Variants in PPWD1 observed in about 807,000 individuals in gnomAD.
The protein encoded by PPWD1 is peptidylprolyl isomerase domain and WD repeat-containing protein 1.
Under a neutral mutation model 68.8 loss-of-function variants are expected in PPWD1, and 43 were observed. That is an observed-to-expected ratio of 0.62 (90% CI 0.49 to 0.81). The LOEUF is 0.81. Ranked by LOEUF, PPWD1 falls within the 30% of genes least tolerant of loss-of-function variation. The pLI, the probability that PPWD1 is intolerant of heterozygous loss-of-function variation, is 0.00. For missense variants in PPWD1, 672 were observed against 804.8 expected (o/e 0.83, Z 2.00); for synonymous variants, 232 against 258.7 (o/e 0.90, Z 0.99).
rs566042641 is a variant in PPWD1 at position 65,582,043 on chromosome 5, C to G, written c.1351-995C>G. 9.5e-4 allele frequency among the ~76,000 whole-genome samples: 145 copies of G among 152,194 alleles called. 1 individual carries two copies. The highest frequency in any genetic ancestry group is 3.4e-3 in the African/African-American group (143 of 41,528). Reference sequence around the variant, plus strand: ...TCATATAAACAAATAGTACAACAGACATGCCATTCCTTTGAAAACTGGAGA... The same window carrying G: ...TCATATAAACAAATAGTACAACAGAGATGCCATTCCTTTGAAAACTGGAGA... On this transcript the variant is annotated intron_variant, in intron 7 of 10. Transcript: ENST00000261308.
chr5:65,585,022 A>C lies in PPWD1; in HGVS notation c.1541A>C (p.Lys514Thr), dbSNP rs1266063846. ...AACATATGTCTTAATAGGTGCCCTA[A>C]GACAGTGGAAAACTTCTGTGTTCAC... ...HTKLFPVECPKTVENFCVHSR... is the reference protein window; with the variant it reads ...HTKLFPVECPTTVENFCVHSR... Residue 514 changes from lysine to threonine, a missense_variant, in exon 9 of 11, where the codon AAG (lysine) becomes ACG (threonine). Coordinates refer to ENST00000261308, the MANE Select transcript of PPWD1 (RefSeq NM_015342.4). 2 of 1,612,394 alleles carry C rather than the reference A, an allele frequency of 1.2e-6. No homozygotes were observed. The highest frequency in any genetic ancestry group is 2.2e-5 in the East Asian group (1 of 44,800).
chr5:65,578,929 T>G (rs1264994885), intron 6 of PPWD1, among the ~76,000 whole-genome samples: 1 of 151,906 alleles, frequency 6.6e-6, no homozygotes, highest in Non-Finnish European at 1.5e-5. Flanking sequence ...TTGTTGTTGT[T>G]TTTTATTGAG....
In PPWD1 at chr5:65,584,248, C is replaced by A. The variant is rs144830174; in HGVS notation, c.1533-766C>A. 2.0e-3 allele frequency among the ~76,000 whole-genome samples: 310 copies of A among 152,268 alleles called. 1 individual carries two copies. Among genetic ancestry groups the A allele is most frequent in the African/African-American group, 7.1e-3 (296 of 41,554 alleles). On this transcript the variant is annotated intron_variant, in intron 8 of 10. Coordinates refer to ENST00000261308, the MANE Select transcript of PPWD1 (RefSeq NM_015342.4). ...AAGTGCTCAAAACCCATGTACTCTT[C>A]GGCCTTGTTTGCTGATGTACTTGGG...
rs573272686 is a variant in PPWD1, at chr5:65,569,958, G to A, written c.481G>A (p.Asp161Asn). 2 of 1,612,210 alleles carry A rather than the reference G, an allele frequency of 1.2e-6. No homozygotes were observed. The highest frequency in any genetic ancestry group is 2.7e-5 in the African/African-American group (2 of 74,876). The change falls in exon 4 of 11, where the codon GAT becomes AAT. Residue 161 changes from aspartate to asparagine, a missense_variant. Asp to Asn is a conservative substitution (Grantham distance 23). Around this residue, in one of 2 missense-constraint regions of PPWD1, gnomAD observed 484 missense variants for 646.2 expected, o/e 0.75. Transcript: ENST00000261308. ...VGDDKAMKVF[D>N]VVNFDMINML... Reference sequence around the variant, plus strand: ...TGATGATAAAGCAATGAAGGTGTTTGATGTAGTGAACTTTGACATGATCAA... The same window carrying A: ...TGATGATAAAGCAATGAAGGTGTTTAATGTAGTGAACTTTGACATGATCAA...
intron 6 of PPWD1, among the ~76,000 whole-genome samples, chr5:65,577,318 TG>T (rs779000662): frequency 1.3e-5 from 2 of 151,962 alleles, no homozygotes; most frequent in East Asian, 1.9e-4. Flanking sequence ...AGTTGTTGTG[TG>T]TTTTTTTTAA....
rs1374363336 is a variant in PPWD1, at chr5:65,573,534, TTTTTTTTTTTTTTTTTTTTA to T, written c.969+1249_969+1268del. On this transcript the variant is annotated intron_variant, in intron 5 of 10. Coordinates refer to ENST00000261308, the MANE Select transcript of PPWD1 (RefSeq NM_015342.4). ...ACAGATGGTTTTTTTTTTTTTTTTT[TTTTTTTTTTTTTTTTTTTTA>T]AGTACAGACGGGTTTCACCGTGTTA... Among the ~76,000 whole-genome samples, 25 of 44,014 alleles carry T rather than the reference TTTTTTTTTTTTTTTTTTTTA, an allele frequency of 5.7e-4. 1 individual carries two copies. Among genetic ancestry groups the T allele is most frequent in the East Asian group, 2.9e-3 (5 of 1,706 alleles). 28.9% of individuals were successfully genotyped at this position (44,014 alleles called of 152,430 possible).
At chr5:65,573,208 A>C (rs747765664) in intron 5 of PPWD1, among the ~76,000 whole-genome samples, 4 of 151,906 alleles carry the variant, frequency 2.6e-5, no homozygotes, top group Non-Finnish European at 4.4e-5. Flanking sequence ...TACCTATTGA[A>C]CTGGTACTTC....
At chr5:65,573,476 T>TATATATATATATATATATATATATATA (rs201295161) in intron 5 of PPWD1, among the ~76,000 whole-genome samples, 4 of 59,666 alleles carry the variant, frequency 6.7e-5, no homozygotes, top group African/African-American at 1.9e-4. Context: ...TATATATATA[T>TATATATATATATATATATATATATATA]TTTTTTTTTA....
At chr5:65,576,005 A>G (rs1477092955) in intron 5 of PPWD1, among the ~76,000 whole-genome samples, 2 of 152,248 alleles carry the variant, frequency 1.3e-5, no homozygotes, top group Non-Finnish European at 2.9e-5. Flanking sequence ...CCACGTGTCT[A>G]CTGAGCATTT....
chr5:65,584,249 G>A (rs1021551322), intron 8 of PPWD1, among the ~76,000 whole-genome samples: 2 of 151,974 alleles, frequency 1.3e-5, no homozygotes, highest in Admixed American at 6.6e-5. Flanking sequence ...TGTACTCTTC[G>A]GCCTTGTTTG....
intron 7 of PPWD1, among the ~76,000 whole-genome samples, chr5:65,580,898 CTT>C (rs1753564690): frequency 6.6e-6 from 1 of 152,192 alleles, no homozygotes; most frequent in Non-Finnish European, 1.5e-5. Flanking sequence ...ATGTGTCACA[CTT>C]TTTGTGTGAA....
At chr5:65,586,532 A>G (rs562441907) in intron 10 of PPWD1, among the ~76,000 whole-genome samples, 41 of 152,288 alleles carry the variant, frequency 2.7e-4, no homozygotes, top group Admixed American at 1.9e-3. Flanking sequence ...TGAATTCACA[A>G]TTTTGAGACA....
chr5:65,575,184 G>A (rs1303870383), intron 5 of PPWD1, among the ~76,000 whole-genome samples: 2 of 152,172 alleles, frequency 1.3e-5, no homozygotes, highest in Non-Finnish European at 2.9e-5. Context: ...TACTTACCAG[G>A]TTGGATAACA....
intron 8 of PPWD1, 146 bp from the exon 9 acceptor site, chr5:65,584,868 T>TA (rs1753754584): frequency 1.7e-6 from 2 of 1,208,120 alleles, no homozygotes; most frequent in Non-Finnish European, 2.2e-6. Flanking sequence ...GTCCTGAGAT[T>TA]AGAGATTATG....
chr5:65,568,648 T>G (rs1020482551), intron 2 of PPWD1, among the ~76,000 whole-genome samples: 1 of 152,084 alleles, frequency 6.6e-6, no homozygotes, highest in African/African-American at 2.4e-5. Context: ...TATGGTGGCT[T>G]GGATGATACT....
At chr5:65,574,684 C>T (rs1328455926) in intron 5 of PPWD1, among the ~76,000 whole-genome samples, 2 of 151,740 alleles carry the variant, frequency 1.3e-5, no homozygotes, top group Admixed American at 6.6e-5. Context: ...AGGATGGTCT[C>T]GATCTCCTGA....
At chr5:65,570,708 C>A (rs1752972544) in intron 4 of PPWD1, among the ~76,000 whole-genome samples, 1 of 152,040 alleles carries the variant, frequency 6.6e-6, no homozygotes, top group Non-Finnish European at 1.5e-5. Flanking sequence ...GTCTTTCTTA[C>A]TTCTCCCTAT....
chr5:65,584,439 T>A (rs1420343619), intron 8 of PPWD1, among the ~76,000 whole-genome samples: 1 of 152,224 alleles, frequency 6.6e-6, no homozygotes, highest in Non-Finnish European at 1.5e-5. Flanking sequence ...ATTTCTATGA[T>A]TAAGGTTTTG....
At chr5:65,578,903 CTT>C (rs1044111105) in intron 6 of PPWD1, among the ~76,000 whole-genome samples, 4 of 151,272 alleles carry the variant, frequency 2.6e-5, no homozygotes, top group Admixed American at 1.3e-4. Context: ...TTTTCATTCT[CTT>C]GATTGGTTTT....
Sources: gnomAD v4.1 joint callset for allele counts (sites outside exome capture counted in the v4.1 genomes callset) on GRCh38, gnomAD v4.1.1 for gene constraint, gnomAD v4.1.1 regional missense constraint, MANE v1.5 for transcripts, NCBI Gene and HGNC (gene_info 2026-07-23, HGNC 2026-07-21) for gene names.